SUDS3: variants seen among roughly 807,000 people sequenced by gnomAD.
The protein encoded by SUDS3 is SIN3A corepressor complex component SDS3, also known as sin3 histone deacetylase corepressor complex component SDS3.
SUDS3 carries 23 observed loss-of-function variants against 53.5 expected under a neutral mutation model. The ratio of observed to expected loss-of-function variants is 0.43; its 90% CI spans 0.31 to 0.61. The LOEUF (loss-of-function observed/expected upper bound fraction) is 0.61. Ranked by LOEUF, SUDS3 falls within the 20% of genes least tolerant of loss-of-function variation. The probability of loss-of-function intolerance (pLI) is 0.10; values close to 1 mark genes in which losing one functional copy is unlikely to be tolerated. For synonymous variants in SUDS3, 150 were observed against 148.5 expected (o/e 1.01, Z -0.08); for missense variants, 291 against 405.9 (o/e 0.72, Z 2.43).
chr12:118,383,543 A>G (rs2046086915), intron 2 of SUDS3, among the ~76,000 whole-genome samples: 1 of 152,230 alleles, frequency 6.6e-6, no homozygotes, highest in Non-Finnish European at 1.5e-5. Flanking sequence ...AAAAAATGAC[A>G]TGAAGGTTTA....
chr12:118,389,946 A>G lies in SUDS3; in HGVS notation c.360A>G (p.Glu120=). 15 of 1,614,054 alleles carry G rather than the reference A, an allele frequency of 9.3e-6. No homozygotes were observed. The highest frequency in any genetic ancestry group is 1.3e-5 in the Non-Finnish European group (15 of 1,179,900). ...IRNAELFLQL[E]TEQVERNYIK... ...TTGCAGAACTCTTCCTCCAGCTGGA[A>G]GTAAGTACCACGGATCTTCTGGGTT... Residue 120 remains glutamate, a splice_region_variant and synonymous_variant, in exon 5 of 12, where the codon GAA becomes GAG. Coordinates refer to ENST00000543473, the MANE Select transcript of SUDS3 (RefSeq NM_022491.3).
At chr12:118,389,887 A>G in intron 4 of SUDS3, 40 bp from the exon 5 acceptor site, 1 of 1,613,842 alleles carries the variant, frequency 6.2e-7, no homozygotes, top group South Asian at 1.1e-5. Flanking sequence ...GAAAGGTGGC[A>G]CAGCCTAGCA....
chr12:118,407,097 G>A (rs953285315), intron 10 of SUDS3, among the ~76,000 whole-genome samples: 6 of 151,916 alleles, frequency 3.9e-5, no homozygotes, highest in African/African-American at 1.5e-4. Context: ...ATGAGGTCTT[G>A]CTATGTTGCC....
intron 2 of SUDS3, among the ~76,000 whole-genome samples, chr12:118,383,445 A>G (rs1022184115): frequency 6.6e-6 from 1 of 152,222 alleles, no homozygotes; most frequent in African/African-American, 2.4e-5. Context: ...GTGTATTCCC[A>G]TCCAGCTGGG....
chr12:118,404,864 G>T (rs1350944812), intron 10 of SUDS3, among the ~76,000 whole-genome samples: 1 of 152,208 alleles, frequency 6.6e-6, no homozygotes, highest in Non-Finnish European at 1.5e-5. Context: ...CATTGTGTTA[G>T]GTTGGTTACC....
intron 10 of SUDS3, among the ~76,000 whole-genome samples, chr12:118,406,750 C>T (rs568580708): frequency 3.3e-5 from 5 of 151,668 alleles, no homozygotes; most frequent in Admixed American, 1.3e-4. Context: ...GATGTTGCTT[C>T]GTAGCACATT....
chr12:118,377,757 A>G (rs572098762), intron 1 of SUDS3, among the ~76,000 whole-genome samples: 1 of 152,318 alleles, frequency 6.6e-6, no homozygotes, highest in Non-Finnish European at 1.5e-5. Flanking sequence ...AGAGACCGAT[A>G]TATGAGCGGA....
At chr12:118,385,928 T>A (rs2046110953) in intron 3 of SUDS3, among the ~76,000 whole-genome samples, 186 bp from the exon 4 acceptor site, 1 of 152,192 alleles carries the variant, frequency 6.6e-6, no homozygotes, top group Non-Finnish European at 1.5e-5. Context: ...GGGTAGACTT[T>A]GAATGGGCCC....
chr12:118,381,018 CTTTT>C (rs1399948063), intron 2 of SUDS3, among the ~76,000 whole-genome samples: 1 of 150,948 alleles, frequency 6.6e-6, no homozygotes, highest in Non-Finnish European at 1.5e-5. Context: ...TTTTTCTTTT[CTTTT>C]TTAATGGGCA....
intron 7 of SUDS3, among the ~76,000 whole-genome samples, chr12:118,401,463 A>G (rs979828145): frequency 5.9e-5 from 9 of 152,218 alleles, no homozygotes; most frequent in Admixed American, 5.9e-4. Context: ...AAAGCGCTTT[A>G]TACATTCATG....
chr12:118,379,558 C>A (rs980096986), intron 1 of SUDS3, among the ~76,000 whole-genome samples: 1 of 152,190 alleles, frequency 6.6e-6, no homozygotes, highest in Non-Finnish European at 1.5e-5. Context: ...ACCACTCCCC[C>A]ACGGATACTG....
rs1367334193 is a variant in SUDS3, at chr12:118,416,024, C to T, written c.*1591C>T. The T allele has an allele frequency of 6.6e-6, 1 of 151,608 alleles. No homozygotes were observed. The highest frequency in any genetic ancestry group is 2.4e-5 in the African/African-American group (1 of 41,190). 9.4% of individuals were successfully genotyped at this position (151,608 alleles called of 1,614,324 possible). On this transcript the variant is annotated 3_prime_UTR_variant, in exon 12 of 12. Transcript: ENST00000543473. The stretch of plus-strand genomic sequence containing the variant: ...CCTGGGGTTCTGTATTTCTTCTCTG[C>T]CCTCCAATCCCCGACTGCTATGATG...
intron 10 of SUDS3, among the ~76,000 whole-genome samples, chr12:118,408,264 G>A (rs895554384): frequency 6.6e-6 from 1 of 151,634 alleles, no homozygotes; most frequent in African/African-American, 2.4e-5. Context: ...GAACCCCTGA[G>A]CTCAGGCAAT....
intron 1 of SUDS3, 91 bp from the exon 2 acceptor site, chr12:118,380,071 C>A: frequency 1.0e-6 from 1 of 988,932 alleles, no homozygotes; most frequent in Non-Finnish European, 1.6e-6. Flanking sequence ...ATTGATTTTA[C>A]GGGAGTTTAT....
At chr12:118,399,522 G>A (rs915287964) in intron 6 of SUDS3, among the ~76,000 whole-genome samples, 1 of 152,034 alleles carries the variant, frequency 6.6e-6, no homozygotes, top group South Asian at 2.1e-4. Context: ...GAAATATTTA[G>A]TAACAAGAGT....
At chr12:118,400,592 A>G in intron 6 of SUDS3, 67 bp from the exon 7 acceptor site, 1 of 1,459,330 alleles carries the variant, frequency 6.9e-7, no homozygotes, top group Non-Finnish European at 9.6e-7. Context: ...ATATTCTTAT[A>G]CTATAGAAAT....
intron 11 of SUDS3, among the ~76,000 whole-genome samples, chr12:118,412,288 A>G (rs1342842388): frequency 1.3e-5 from 2 of 152,226 alleles, no homozygotes; most frequent in African/African-American, 4.8e-5. Context: ...TTATCAGTCC[A>G]CAAATGTCTG....
chr12:118,392,627 G>A (rs1212427169), intron 6 of SUDS3, among the ~76,000 whole-genome samples: 4 of 152,176 alleles, frequency 2.6e-5, no homozygotes, highest in Non-Finnish European at 4.4e-5. Context: ...CAGTAGCACC[G>A]TGGTACCTTA....
chr12:118,406,955 G>A (rs1056569571), intron 10 of SUDS3, among the ~76,000 whole-genome samples: 2 of 149,998 alleles, frequency 1.3e-5, no homozygotes, highest in Non-Finnish European at 3.0e-5. Context: ...GGCATGCAGT[G>A]GTGTGATCAT....
Sources: gnomAD v4.1 joint callset for allele counts (sites outside exome capture counted in the v4.1 genomes callset) on GRCh38, gnomAD v4.1.1 for gene constraint, MANE v1.5 for transcripts, NCBI Gene and HGNC (gene_info 2026-07-23, HGNC 2026-07-21) for gene names.